SGSM1: variants seen among roughly 807,000 people sequenced by gnomAD.
SGSM1 encodes the protein small G protein signaling modulator 1, also known as RUN and TBC1 domain containing 2.
A neutral mutation model predicts 133.8 loss-of-function variants in SGSM1; 73 were observed. The ratio of observed to expected loss-of-function variants is 0.55; its 90% CI spans 0.45 to 0.66. SGSM1 has a LOEUF of 0.66. Ranked by LOEUF, SGSM1 falls within the 30% of genes least tolerant of loss-of-function variation. The pLI is 0.00. For missense variants in SGSM1, 1,213 were observed against 1,448.1 expected, an observed-to-expected ratio of 0.84 and a Z score of 2.64; for synonymous variants, 563 against 573.0, an observed-to-expected ratio of 0.98 and a Z score of 0.25.
At chr22:24,917,512 T>G in intron 22 of SGSM1, 146 bp from the exon 23 acceptor site, 3 of 556,752 alleles carry the variant, frequency 5.4e-6, no homozygotes, top group Non-Finnish European at 6.3e-6. Context: ...AAATGTCTAT[T>G]CAGATCTTTT....
At chr22:24,895,745 G>A (rs945288336) in intron 18 of SGSM1, among the ~76,000 whole-genome samples, 2 of 152,052 alleles carry the variant, frequency 1.3e-5, no homozygotes, top group Non-Finnish European at 2.9e-5. Context: ...ATCTCACTCC[G>A]TTTTTAAAGA....
At position 24,905,927 on chromosome 22, in the gene SGSM1, T is replaced by C. The variant is rs528097875; in HGVS notation, c.2818+740T>C. ...CCTCATATGAGGACTGGGTGTCTCA[T>C]TGGCACCCAGATACCAATAACAGAC... On this transcript the variant is annotated intron_variant, in intron 21 of 24. Transcript: ENST00000400358. Among the ~76,000 whole-genome samples the C allele has an allele frequency of 9.9e-5, 15 of 152,206 alleles. No individual in the cohort carries two copies. The East Asian group carries it at 2.9e-3, about 29-fold the overall frequency.
At position 24,867,098 on chromosome 22, in the gene SGSM1, A is replaced by G; in HGVS notation, c.932A>G (p.Tyr311Cys). Residue 311 changes from tyrosine (Y) to cysteine (C), a missense_variant, in exon 10 of 25, where the codon TAC (tyrosine) becomes TGC (cysteine). Coordinates refer to ENST00000400358, the MANE Select transcript of SGSM1 (RefSeq NM_001098497.3). ...VGDLDYEKSV[Y>C]WDYAMTIRLE... ...GACCCTCCGTCCGCTTCCAGCGTCT[A>G]CTGGGACTATGCCATGACCATCCGC... is the stretch of plus-strand genomic sequence containing the variant. 1.9e-6 allele frequency: 3 copies of G among 1,613,718 alleles called. No individual in the cohort carries two copies. The highest frequency in any genetic ancestry group is 1.1e-5 in the South Asian group (1 of 90,994).
intron 2 of SGSM1, among the ~76,000 whole-genome samples, chr22:24,821,279 C>T (rs1928454125): frequency 6.6e-6 from 1 of 152,234 alleles, no homozygotes; most frequent in Admixed American, 6.5e-5. Flanking sequence ...TCAGGTCATC[C>T]ACCCTCCTCG....
chr22:24,893,700 G>A, intron 17 of SGSM1, 87 bp downstream of exon 17: 1 of 1,340,656 alleles, frequency 7.5e-7, no homozygotes, highest in Non-Finnish European at 9.8e-7. Flanking sequence ...GGTGAAGACT[G>A]GGTGTCTGGG....
chr22:24,855,296 GC>G lies in SGSM1; in HGVS notation c.538del (p.Leu180Ter). Reference sequence around the variant, plus strand: ...CACATGCCCCTCAGTGGGGCCCTGTGCCCTAGAGTACACCAAGATGAAGACT... The same window carrying G: ...CACATGCCCCTCAGTGGGGCCCTGTGCCTAGAGTACACCAAGATGAAGACT... Reference protein sequence around the residue: ...ILASLLVGPCALEYTKMKTAD... With the variant: ...ILASLLVGPCXLEYTKMKTAD... On this transcript the variant is annotated frameshift_variant, in exon 7 of 25. Transcript: ENST00000400358. LOFTEE classifies it high-confidence loss of function. 1 of 1,611,262 alleles carries G rather than the reference GC, an allele frequency of 6.2e-7. No homozygotes were observed. The highest frequency in any genetic ancestry group is 8.5e-7 in the Non-Finnish European group (1 of 1,178,746).
chr22:24,902,001 G>T, intron 20 of SGSM1, 44 bp downstream of exon 20: 1 of 1,368,496 alleles, frequency 7.3e-7, no homozygotes. Context: ...GGGATGGTGG[G>T]TGGGTGGGAT....
rs1417377616 is a variant in SGSM1, at chr22:24,868,603, TG to T, written c.1158+65del. ...GCTGGTCACAGAGGGTGGTTGTTTT[TG>T]CCTGTGTGCCCTTATGTGGCTATGT... On this transcript the variant is annotated intron_variant, in intron 11 of 24. Coordinates refer to ENST00000400358, the MANE Select transcript of SGSM1 (RefSeq NM_001098497.3). 6 of 1,611,802 alleles carry T rather than the reference TG, an allele frequency of 3.7e-6. No homozygotes were observed. In the East Asian group the frequency reaches 1.3e-4, roughly 36 times the overall value.
intron 22 of SGSM1, among the ~76,000 whole-genome samples, 179 bp from the exon 23 acceptor site, chr22:24,917,479 C>T (rs139776): frequency 0.28 from 42,194 of 152,074 alleles, 6,765 homozygotes; most frequent in East Asian, 0.55. Flanking sequence ...TGCCGCTTGG[C>T]CATTTGTGAA....
intron 20 of SGSM1, among the ~76,000 whole-genome samples, chr22:24,903,623 G>T (rs1313718137): frequency 6.6e-6 from 1 of 152,136 alleles, no homozygotes; most frequent in Non-Finnish European, 1.5e-5. Flanking sequence ...CCTGGTTAAG[G>T]CATAGGGAGA....
At chr22:24,874,994 A>T (rs1931958888) in intron 12 of SGSM1, among the ~76,000 whole-genome samples, 1 of 152,164 alleles carries the variant, frequency 6.6e-6, no homozygotes, top group Non-Finnish European at 1.5e-5. Context: ...TGGCTGCAAG[A>T]ATTACATCGT....
chr22:24,887,174 C>A (rs1932660592), intron 16 of SGSM1, among the ~76,000 whole-genome samples: 1 of 110,560 alleles, frequency 9.0e-6, no homozygotes, highest in Non-Finnish European at 2.0e-5. Flanking sequence ...GATCTGTGTC[C>A]ATCACCACGG....
At chr22:24,880,898 A>G (rs1932276387) in intron 14 of SGSM1, among the ~76,000 whole-genome samples, 1 of 152,166 alleles carries the variant, frequency 6.6e-6, no homozygotes, top group African/African-American at 2.4e-5. Flanking sequence ...CATCTATAAG[A>G]TGGAAATAAT....
rs932463211 is a variant in SGSM1, at chr22:24,926,633, G to T, written c.*2359G>T. On this transcript the variant is annotated 3_prime_UTR_variant, in exon 25 of 25. Transcript: ENST00000400358. ...TGTTCCAGAGAGCATCTGTGGTTGT[G>T]ATTTGGAATAAGTCATATTTATTTG... 1 of 152,112 alleles carries T rather than the reference G, an allele frequency of 6.6e-6. No homozygotes were observed. The highest frequency in any genetic ancestry group is 2.4e-5 in the African/African-American group (1 of 41,416). 9.4% of individuals were successfully genotyped at this position (152,112 alleles called of 1,614,324 possible).
intron 22 of SGSM1, among the ~76,000 whole-genome samples, chr22:24,914,292 CAAAAAAA>C (rs144720210): frequency 1.7e-4 from 16 of 95,312 alleles, no homozygotes; most frequent in African/African-American, 5.8e-4. Context: ...GACTCCATCT[CAAAAAAA>C]AAAAAAAAAA....
rs772018663 is a variant in SGSM1, at chr22:24,847,740, G to A, written c.246G>A (p.Pro82=). ...ALFMKVGKNF[P]PAEDLSRKVQ... ...TTATGAAAGTGGGCAAGAACTTCCC[G>A]CCGGCTGAGGATCTGAGCCGCAAGG... The change falls in exon 4 of 25, where the codon CCG becomes CCA. Residue 82 remains proline, a synonymous_variant. Coordinates refer to ENST00000400358, the MANE Select transcript of SGSM1 (RefSeq NM_001098497.3). 146 of 1,613,838 alleles carry A rather than the reference G, an allele frequency of 9.0e-5. 2 individuals are homozygous for A. In the South Asian group the frequency reaches 1.1e-3, roughly 12 times the overall value.
At chr22:24,890,969 G>C (rs939266744) in intron 16 of SGSM1, among the ~76,000 whole-genome samples, 1 of 152,150 alleles carries the variant, frequency 6.6e-6, no homozygotes, top group Non-Finnish European at 1.5e-5. Context: ...TTATATCCCT[G>C]CCATAAACGA....
At chr22:24,879,970 A>G (rs550652880) in intron 14 of SGSM1, among the ~76,000 whole-genome samples, 84 of 152,266 alleles carry the variant, frequency 5.5e-4, no homozygotes, top group African/African-American at 1.9e-3. Flanking sequence ...AAACTTAAAT[A>G]TTAAATTCAT....
At position 24,806,317 on chromosome 22, in the gene SGSM1, C is replaced by G; in HGVS notation, c.-9C>G. The G allele has an allele frequency of 1.4e-6, 2 of 1,459,618 alleles. No individual in the cohort carries two copies. The highest frequency in any genetic ancestry group is 1.5e-5 in the African/African-American group (1 of 67,430). The allele number at this position is 1,459,618 out of a possible 1,614,324, so 90.4% of individuals were successfully genotyped here. On this transcript the variant is annotated 5_prime_UTR_variant, in exon 1 of 25. Coordinates refer to ENST00000400358, the MANE Select transcript of SGSM1 (RefSeq NM_001098497.3). The stretch of plus-strand genomic sequence containing the variant: ...GCCTCCTGGGACTCGGAACGCAGCG[C>G]TCGGAGCCATGGCCTCGGCCCCCGC...
Sources: gnomAD v4.1 joint callset for allele counts (sites outside exome capture counted in the v4.1 genomes callset) on GRCh38, gnomAD v4.1.1 for gene constraint, MANE v1.5 for transcripts, NCBI Gene and HGNC (gene_info 2026-07-23, HGNC 2026-07-21) for gene names.